BACE1: variants seen among roughly 807,000 people sequenced by gnomAD.
BACE1 encodes beta-secretase 1.
In BACE1, 21 loss-of-function variants were observed where a neutral mutation model predicts 54.0. That is an observed-to-expected ratio of 0.39 (90% confidence interval 0.28 to 0.56). The LOEUF is 0.56. Among genes scored for constraint, BACE1 ranks in the 20% least tolerant of loss-of-function variants. The pLI, the probability that BACE1 is intolerant of heterozygous loss-of-function variation, is 0.63. For synonymous variants in BACE1, 232 were observed against 260.9 expected (o/e 0.89, Z 1.07); for missense variants, 511 against 661.2 (o/e 0.77, Z 2.49).
At chr11:117,309,178 A>C (rs547542444) in intron 1 of BACE1, among the ~76,000 whole-genome samples, 1 of 152,104 alleles carries the variant, frequency 6.6e-6, no homozygotes, top group Non-Finnish European at 1.5e-5. Context: ...AGGCCCCCGT[A>C]TCCTGAGATC....
chr11:117,295,793 T>A, intron 2 of BACE1: 13 of 708,850 alleles, frequency 1.8e-5, no homozygotes, highest in Non-Finnish European at 1.9e-5. Context: ...GCAGGGTGAA[T>A]GTGGAACCTC....
intron 1 of BACE1, among the ~76,000 whole-genome samples, chr11:117,304,578 GA>G (rs2034790551): frequency 6.6e-6 from 1 of 152,144 alleles, no homozygotes; most frequent in South Asian, 2.1e-4. Context: ...GAAGTTTCCC[GA>G]AAGCACGATG....
chr11:117,303,341 GT>G lies in BACE1; in HGVS notation c.262-6381del, dbSNP rs564144267. Reference sequence around the variant, plus strand: ...TGTCAATCATTTAACAAACAAACGTGTCCCTGGGGGCCTCAGAGGGAAGGCA... The same window carrying G: ...TGTCAATCATTTAACAAACAAACGTGCCCTGGGGGCCTCAGAGGGAAGGCA... On this transcript the variant is annotated intron_variant, in intron 1 of 8. Coordinates refer to ENST00000313005, the MANE Select transcript of BACE1 (RefSeq NM_012104.6). Among the ~76,000 whole-genome samples, 321 of 152,328 alleles carry G rather than the reference GT, an allele frequency of 2.1e-3. 2 individuals are homozygous for G. Among genetic ancestry groups the G allele is most frequent in the African/African-American group, 7.2e-3 (301 of 41,576 alleles).
chr11:117,286,291 T>C lies in BACE1; in HGVS notation c.*3275A>G, dbSNP rs749455008. ...CTGTGGGTAGCTATCAGGAACTAGA[T>C]CATTTTCCACCTCTGCTTATTGTAC... On this transcript the variant is annotated 3_prime_UTR_variant, in exon 9 of 9. Transcript: ENST00000313005. 1 of 152,306 alleles carries C rather than the reference T, an allele frequency of 6.6e-6. No individual in the cohort carries two copies. Among genetic ancestry groups the C allele is most frequent in the African/African-American group, 2.4e-5 (1 of 41,460 alleles). 9.4% of individuals were successfully genotyped at this position (152,306 alleles called of 1,614,324 possible). A position where few individuals can be genotyped will look rare whatever the true frequency, so the allele number is the denominator to read the frequency against.
At chr11:117,301,690 C>G (rs1423918815) in intron 1 of BACE1, among the ~76,000 whole-genome samples, 2 of 152,128 alleles carry the variant, frequency 1.3e-5, no homozygotes, top group Non-Finnish European at 2.9e-5. Flanking sequence ...TTCCAGTGTT[C>G]CTTATACTAG....
In BACE1 at chr11:117,315,806, G is replaced by A. The variant is rs1020378771; in HGVS notation, c.-11C>T. On this transcript the variant is annotated 5_prime_UTR_variant, in exon 1 of 9. Coordinates refer to ENST00000313005, the MANE Select transcript of BACE1 (RefSeq NM_012104.6). The surrounding 1 kb of genome is among the most constrained non-coding windows in gnomAD (Gnocchi z 5.5). Reference sequence around the variant, plus strand: ...CAGGGCTTGGGCCATGGTGGGCCCCGGCCTTCGGGCCCTCTGGGCTCGCAC... The same window carrying A: ...CAGGGCTTGGGCCATGGTGGGCCCCAGCCTTCGGGCCCTCTGGGCTCGCAC... 4 of 1,397,260 alleles carry A rather than the reference G, an allele frequency of 2.9e-6. No individual in the cohort carries two copies. The highest frequency in any genetic ancestry group is 3.1e-5 in the African/African-American group (2 of 65,476). 86.6% of individuals were successfully genotyped at this position (1,397,260 alleles called of 1,614,324 possible).
At chr11:117,304,128 T>G (rs544371263) in intron 1 of BACE1, among the ~76,000 whole-genome samples, 2 of 152,348 alleles carry the variant, frequency 1.3e-5, no homozygotes, top group Non-Finnish European at 2.9e-5. Flanking sequence ...TGACTGGCTG[T>G]GGGCAACAGG....
intron 1 of BACE1, among the ~76,000 whole-genome samples, chr11:117,310,577 C>T (rs562293483): frequency 8.5e-5 from 13 of 152,200 alleles, no homozygotes; most frequent in East Asian, 7.8e-4. Flanking sequence ...CCTGCCACCA[C>T]GCCTGGCTAA....
At chr11:117,291,133 C>G in intron 6 of BACE1, 84 bp from the exon 7 acceptor site, 1 of 1,494,266 alleles carries the variant, frequency 6.7e-7, no homozygotes, top group Non-Finnish European at 9.0e-7. Flanking sequence ...TTAACTGGGC[C>G]CTTCATTTGC....
Position 117,315,696 on chromosome 11 carries a change from G to A in BACE1, c.100C>T (p.Leu34=). Residue 34 remains leucine (L), a synonymous_variant, in exon 1 of 9, where the codon CTG becomes TTG. Coordinates refer to ENST00000313005, the MANE Select transcript of BACE1 (RefSeq NM_012104.6). This position sits in a 1 kb window ranked among gnomAD's most constrained non-coding sequence, Gnocchi z 5.5. ...HGIRLPLRSG[L]GGAPLGLRLP... ...CGCAGCCCCAGGGGGGCGCCCCCCAGGCCGCTGCGCAGGGGCAGCCGGATG... is the reference window on the plus strand; with the variant it reads ...CGCAGCCCCAGGGGGGCGCCCCCCAAGCCGCTGCGCAGGGGCAGCCGGATG... The A allele has an allele frequency of 1.3e-6, 2 of 1,512,720 alleles. No individual in the cohort carries two copies. The highest frequency in any genetic ancestry group is 1.8e-6 in the Non-Finnish European group (2 of 1,132,646). The allele number at this position is 1,512,720 out of a possible 1,614,324, so 93.7% of individuals were successfully genotyped here.
Position 117,285,710 on chromosome 11 carries a change from T to C in BACE1, c.*3856A>G, listed in dbSNP as rs2034241186. ...GTAACCCTAGTAGTTTGACTTCTTA[T>C]TGAATATTTTACTGTGTTAACGCTC... is the stretch of plus-strand genomic sequence containing the variant. On this transcript the variant is annotated 3_prime_UTR_variant, in exon 9 of 9. Coordinates refer to ENST00000313005, the MANE Select transcript of BACE1 (RefSeq NM_012104.6). 6.6e-6 allele frequency: 1 copy of C among 152,602 alleles called. No homozygotes were observed. Among genetic ancestry groups the C allele is most frequent in the African/African-American group, 2.4e-5 (1 of 41,476 alleles). 9.5% of individuals were successfully genotyped at this position (152,602 alleles called of 1,614,324 possible).
chr11:117,292,936 A>G (rs895226962), intron 5 of BACE1, 118 bp downstream of exon 5: 4 of 1,283,064 alleles, frequency 3.1e-6, no homozygotes, highest in Admixed American at 2.1e-5. Context: ...TCAACTTCCA[A>G]CCCTTTCTGC....
intron 1 of BACE1, among the ~76,000 whole-genome samples, chr11:117,299,464 G>A (rs776061608): frequency 4.6e-4 from 70 of 151,950 alleles, no homozygotes; most frequent in Non-Finnish European, 2.2e-4. Flanking sequence ...CCTGCTCTCC[G>A]TGGTGCCTCT....
At chr11:117,300,109 C>T (rs372238962) in intron 1 of BACE1, among the ~76,000 whole-genome samples, 31 of 152,028 alleles carry the variant, frequency 2.0e-4, no homozygotes, top group Non-Finnish European at 3.7e-4. Flanking sequence ...AGGCCCTGGG[C>T]GCTCTTGCTG....
chr11:117,297,214 A>T, intron 1 of BACE1: 1 of 445,768 alleles, frequency 2.2e-6, no homozygotes, highest in Non-Finnish European at 3.9e-6. Context: ...AACCAACTGA[A>T]AAAAGGCAGA....
chr11:117,290,444 A>G lies in BACE1; in HGVS notation c.1264+44T>C, dbSNP rs191843656. The G allele has an allele frequency of 9.4e-6, 15 of 1,598,052 alleles. 1 individual carries two copies. The East Asian group carries it at 3.1e-4, about 33-fold the overall frequency. ...TACTAACTGTTGTTTGACAAGGAAA[A>G]TATGGAGAGACTGACCCCAAACCCT... On this transcript the variant is annotated intron_variant, in intron 8 of 8. Transcript: ENST00000313005.
Position 117,291,725 on chromosome 11 carries a change from T to A in BACE1, c.929A>T (p.Lys310Met). 1 of 1,612,822 alleles carries A rather than the reference T, an allele frequency of 6.2e-7. No homozygotes were observed. Among genetic ancestry groups the A allele is most frequent in the Non-Finnish European group, 8.5e-7 (1 of 1,178,910 alleles). ...KVFEAAVKSI[K>M]AASSTEKFPD... ...TAGTCCACTCACGGAGGAGGCTGCCTTGATGGATTTGACTGCAGCTTCAAA... is the reference window on the plus strand; with the variant it reads ...TAGTCCACTCACGGAGGAGGCTGCCATGATGGATTTGACTGCAGCTTCAAA... Residue 310 changes from lysine (K) to methionine (M), a missense_variant, in exon 6 of 9, where the codon AAG becomes ATG. Lys to Met is a moderately conservative substitution (Grantham distance 95, BLOSUM62 -1). This residue lies in a region of BACE1 where 407 missense variants were observed against 565.7 expected (regional missense o/e 0.72). Transcript: ENST00000313005.
Position 117,315,726 on chromosome 11 carries a change from G to A in BACE1, c.70C>T (p.His24Tyr), listed in dbSNP as rs889304055. Reference protein sequence around the residue: ...AGVLPAHGTQHGIRLPLRSGL... With the variant: ...AGVLPAHGTQYGIRLPLRSGL... ...CTGCGCAGGGGCAGCCGGATGCCGT[G>A]CTGGGTGCCGTGGGCAGGCAGCACT... The change falls in exon 1 of 9, where the codon CAC becomes TAC. Residue 24 changes from histidine to tyrosine, a missense_variant. By Grantham distance (83) the His-to-Tyr change is moderately conservative. Coordinates refer to ENST00000313005, the MANE Select transcript of BACE1 (RefSeq NM_012104.6). This position sits in a 1 kb window ranked among gnomAD's most constrained non-coding sequence, Gnocchi z 5.5. The A allele has an allele frequency of 2.0e-6, 3 of 1,483,864 alleles. No homozygotes were observed. The highest frequency in any genetic ancestry group is 5.1e-5 in the Admixed American group (2 of 38,906). The allele number at this position is 1,483,864 out of a possible 1,614,324, so 91.9% of individuals were successfully genotyped here. A position where few individuals can be genotyped will look rare whatever the true frequency, so the allele number is the denominator to read the frequency against.
chr11:117,292,095 G>A (rs1182933523), intron 5 of BACE1: 1 of 177,960 alleles, frequency 5.6e-6, no homozygotes, highest in Non-Finnish European at 1.2e-5. Flanking sequence ...CTTGGTAAAT[G>A]TTTATTCTTG....
Sources: gnomAD v4.1 joint callset for allele counts (sites outside exome capture counted in the v4.1 genomes callset) on GRCh38, gnomAD v4.1.1 for gene constraint, gnomAD v4.1.1 regional missense constraint, Gnocchi (gnomAD v3.1) non-coding constraint, MANE v1.5 for transcripts, NCBI Gene and HGNC (gene_info 2026-07-23, HGNC 2026-07-21) for gene names.